Variants in SAMTOR observed in about 807,000 individuals in gnomAD.
SAMTOR encodes S-adenosylmethionine sensor upstream of mTORC1, also known as UPF0532 protein C7orf60.
the SAMTOR span, among the ~76,000 whole-genome samples, chr7:112,918,512 C>A: frequency 5.3e-5 from 8 of 152,252 alleles, no homozygotes; most frequent in South Asian, 2.1e-4. Flanking sequence ...TGTAAAGACC[C>A]TCAAGGCTAG....
chr7:112,865,706 C>CAT, the SAMTOR span, among the ~76,000 whole-genome samples: 105 of 140,228 alleles, frequency 7.5e-4, no homozygotes, highest in African/African-American at 2.7e-3. Flanking sequence ...TACATATATT[C>CAT]ATATATATTT....
the SAMTOR span, among the ~76,000 whole-genome samples, chr7:112,904,608 T>C: frequency 6.6e-6 from 1 of 151,972 alleles, no homozygotes; most frequent in African/African-American, 2.4e-5. Context: ...GAAATAAACA[T>C]GGAACTCAAG....
chr7:112,938,072 T>C, the SAMTOR span, among the ~76,000 whole-genome samples: 9 of 152,164 alleles, frequency 5.9e-5, no homozygotes, highest in African/African-American at 2.2e-4. Flanking sequence ...AATAGCAGGA[T>C]AAATTGCAGG....
At chr7:112,913,850 CCTTA>C in the SAMTOR span, among the ~76,000 whole-genome samples, 1 of 152,170 alleles carries the variant, frequency 6.6e-6, no homozygotes, top group African/African-American at 2.4e-5. Context: ...TCTTCCCCTA[CCTTA>C]CTTAAAATTG....
chr7:112,822,246 T>A, the SAMTOR span: 1 of 1,613,596 alleles, frequency 6.2e-7, no homozygotes. Context: ...AACAACCACA[T>A]GGAAAAGCTC....
the SAMTOR span, among the ~76,000 whole-genome samples, chr7:112,892,965 C>T: frequency 4.4e-3 from 671 of 152,146 alleles, 14 homozygotes; most frequent in East Asian, 0.014. Context: ...TTTTTCTGAA[C>T]GGCAGGTCTC....
the SAMTOR span, among the ~76,000 whole-genome samples, chr7:112,926,169 G>C: frequency 6.6e-6 from 1 of 152,096 alleles, no homozygotes; most frequent in Non-Finnish European, 1.5e-5. Flanking sequence ...ATTTAAAGTG[G>C]GTCTATGTAA....
the SAMTOR span, among the ~76,000 whole-genome samples, chr7:112,902,500 C>A: frequency 6.9e-6 from 1 of 145,514 alleles, no homozygotes; most frequent in Admixed American, 6.9e-5. Flanking sequence ...AAAAGGCCGG[C>A]ACAAAGGATT....
chr7:112,921,294 A>T, the SAMTOR span, among the ~76,000 whole-genome samples: 12 of 152,128 alleles, frequency 7.9e-5, no homozygotes, highest in Non-Finnish European at 1.8e-4. Flanking sequence ...ATAACGCCGC[A>T]TATCTACAAC....
At chr7:112,839,783 TCA>T in the SAMTOR span, among the ~76,000 whole-genome samples, 1 of 151,890 alleles carries the variant, frequency 6.6e-6, no homozygotes, top group South Asian at 2.1e-4. Flanking sequence ...CATTATTTAT[TCA>T]ATATTTGTTT....
the SAMTOR span, among the ~76,000 whole-genome samples, chr7:112,908,592 T>A: frequency 1.1e-4 from 16 of 152,188 alleles, no homozygotes; most frequent in Admixed American, 3.3e-4. Flanking sequence ...AATTCTCATA[T>A]TAAGTAAAAA....
chr7:112,916,582 A>G, the SAMTOR span, among the ~76,000 whole-genome samples: 1 of 152,104 alleles, frequency 6.6e-6, no homozygotes, highest in Middle Eastern at 3.2e-3. Context: ...GGAGTGCCAG[A>G]CAGTGGGTGC....
the SAMTOR span, among the ~76,000 whole-genome samples, chr7:112,927,581 T>G: frequency 1.3e-5 from 2 of 151,774 alleles, no homozygotes; most frequent in African/African-American, 4.8e-5. Context: ...TGTCTTAAAG[T>G]AAAAGTGAGA....
At chr7:112,890,655 AAAT>A in the SAMTOR span, among the ~76,000 whole-genome samples, 1 of 151,064 alleles carries the variant, frequency 6.6e-6, no homozygotes, top group Non-Finnish European at 1.5e-5. Context: ...TATATTATAA[AAAT>A]AAAAAAGTAT....
chr7:112,847,734 C>A, the SAMTOR span, among the ~76,000 whole-genome samples: 1 of 151,596 alleles, frequency 6.6e-6, no homozygotes, highest in Non-Finnish European at 1.5e-5. Flanking sequence ...GCCAAGATTG[C>A]GCCACTGCAC....
the SAMTOR span, among the ~76,000 whole-genome samples, chr7:112,823,223 A>T: frequency 6.6e-6 from 1 of 152,152 alleles, no homozygotes; most frequent in Non-Finnish European, 1.5e-5. Context: ...TGAAAAAAAG[A>T]TGCTTTTCTT....
At chr7:112,873,529 T>C in the SAMTOR span, among the ~76,000 whole-genome samples, 1 of 152,156 alleles carries the variant, frequency 6.6e-6, no homozygotes, top group African/African-American at 2.4e-5. Context: ...AGAATGAAAC[T>C]GGACCCTTAC....
chr7:112,924,819 CTT>C, the SAMTOR span, among the ~76,000 whole-genome samples: 65 of 151,416 alleles, frequency 4.3e-4, no homozygotes, highest in African/African-American at 1.0e-3. Flanking sequence ...GGCCAATGTT[CTT>C]TTTTTTTTAG....
At chr7:112,821,788 T>C in the SAMTOR span, 34 of 1,612,436 alleles carry the variant, frequency 2.1e-5, no homozygotes, top group Middle Eastern at 1.6e-4. Context: ...TAGAAAGGAA[T>C]AGAGCTGGCT....
Sources: allele counts gnomAD v4.1 joint callset (sites outside exome capture counted in the v4.1 genomes callset), GRCh38; gene constraint gnomAD v4.1.1; transcripts MANE v1.5; gene names NCBI Gene and HGNC (gene_info 2026-07-23, HGNC 2026-07-21).